The following GRAMD4 variants were observed in gnomAD, a reference collection of about 807,000 sequenced individuals.
GRAMD4 encodes the protein GRAM domain containing 4.
Under a neutral mutation model 83.9 loss-of-function variants are expected in GRAMD4, and 25 were observed. The observed-to-expected ratio is 0.30, with a 90% CI of 0.22 to 0.42. The LOEUF is 0.42. Ranked by LOEUF, GRAMD4 falls within the 10% of genes least tolerant of loss-of-function variation. The pLI is 1.00. For missense variants in GRAMD4, 593 were observed against 788.7 expected, an observed-to-expected ratio of 0.75 and a Z score of 2.97; for synonymous variants, 336 against 320.9, an observed-to-expected ratio of 1.05 and a Z score of -0.50.
upstream of GRAMD4, among the ~76,000 whole-genome samples, chr22:46,618,718 ACGC>A (rs2147128603): frequency 1.3e-5 from 2 of 152,102 alleles, no homozygotes; most frequent in African/African-American, 4.8e-5. The surrounding 1 kb of genome is among the most constrained non-coding windows in gnomAD (Gnocchi z 5.8). Flanking sequence ...GAGGGGAGGC[ACGC>A]GGCTGCCTGG....
intron 1 of GRAMD4, among the ~76,000 whole-genome samples, chr22:46,591,704 G>GCGC (rs1468026197): frequency 3.4e-4 from 51 of 151,880 alleles, no homozygotes; most frequent in African/African-American, 1.2e-3. Flanking sequence ...GTGGTGGTGG[G>GCGC]TGCCTGTAAT....
At chr22:46,619,634 C>T (rs144648975), upstream of GRAMD4, among the ~76,000 whole-genome samples, 109 of 152,302 alleles carry the variant, frequency 7.2e-4, no homozygotes, top group Middle Eastern at 3.4e-3. Context: ...CTTTGCTGGC[C>T]GCCCCCGGTC....
chr22:46,632,732 T>C (rs552063713), intron 2 of GRAMD4, among the ~76,000 whole-genome samples: 2 of 152,326 alleles, frequency 1.3e-5, no homozygotes, highest in South Asian at 4.1e-4. Context: ...GTGGCTCTCA[T>C]CTGGGCTGTG....
At chr22:46,619,238 G>A (rs1242055361), upstream of GRAMD4, among the ~76,000 whole-genome samples, 3 of 152,324 alleles carry the variant, frequency 2.0e-5, no homozygotes, top group Admixed American at 2.0e-4. Flanking sequence ...ACCCCAGAGG[G>A]CCCAGGGAGC....
In GRAMD4 at chr22:46,661,503, C is replaced by T. The variant is rs539654271; in HGVS notation, c.466+61C>T. On this transcript the variant is annotated intron_variant, in intron 5 of 18. Coordinates refer to ENST00000406902, the MANE Select transcript of GRAMD4 (RefSeq NM_015124.5). ...CGGGTGGGTGGCTGCGCGTCACCTGCTGGTTCTGTAGGCCCAGGTTAACAA... is the reference window on the plus strand; with the variant it reads ...CGGGTGGGTGGCTGCGCGTCACCTGTTGGTTCTGTAGGCCCAGGTTAACAA... 197 of 1,180,082 alleles carry T rather than the reference C, an allele frequency of 1.7e-4. No homozygotes were observed. In the African/African-American group the frequency reaches 2.6e-3, roughly 15 times the overall value. 73.1% of individuals were successfully genotyped at this position (1,180,082 alleles called of 1,614,324 possible).
At chr22:46,623,839 T>C (rs2147151402) in intron 1 of GRAMD4, among the ~76,000 whole-genome samples, 1 of 151,168 alleles carries the variant, frequency 6.6e-6, no homozygotes, top group East Asian at 2.0e-4. Context: ...TGGAGTGCAG[T>C]GGCGTGATCT....
rs1165438649 is a variant in GRAMD4, at chr22:46,672,995, A to C, written c.1237A>C (p.Arg413=). ...GCGCTCCAGCGCCGCAGTCTCACGC[A>C]GGGTGAGCCCGGCCCCCAGCTGCGG... ...KERSSAAVSR[R]LQTTSSRSYV... The change falls in exon 14 of 19, where the codon AGG becomes CGG. Residue 413 remains arginine, a splice_region_variant and synonymous_variant. Coordinates refer to ENST00000406902, the MANE Select transcript of GRAMD4 (RefSeq NM_015124.5). This position sits in a 1 kb window ranked among gnomAD's most constrained non-coding sequence, Gnocchi z 4.7. 1 of 1,593,230 alleles carries C rather than the reference A, an allele frequency of 6.3e-7. No individual in the cohort carries two copies. The highest frequency in any genetic ancestry group is 1.3e-5 in the African/African-American group (1 of 74,544).
At chr22:46,618,493 G>A (rs2081532477), upstream of GRAMD4, among the ~76,000 whole-genome samples, 1 of 152,048 alleles carries the variant, frequency 6.6e-6, no homozygotes, top group East Asian at 1.9e-4. The surrounding 1 kb of genome is among the most constrained non-coding windows in gnomAD (Gnocchi z 5.8). Flanking sequence ...GTTGCAAAGG[G>A]GGTCGGCAGA....
At chr22:46,591,478 C>T (rs1157500555) in intron 1 of GRAMD4, among the ~76,000 whole-genome samples, 1 of 152,118 alleles carries the variant, frequency 6.6e-6, no homozygotes, top group Non-Finnish European at 1.5e-5. Flanking sequence ...GACGACGTTA[C>T]TGAAGCTCCA....
intron 2 of GRAMD4, among the ~76,000 whole-genome samples, chr22:46,631,107 ATCT>A (rs2081769009): frequency 6.6e-6 from 1 of 152,248 alleles, no homozygotes; most frequent in Non-Finnish European, 1.5e-5. Context: ...GAAGTTGGTC[ATCT>A]TTGCACACAT....
In GRAMD4 at chr22:46,637,919, A is replaced by G. The variant is rs1431102896; in HGVS notation, c.242A>G (p.Lys81Arg). 6.2e-7 allele frequency: 1 copy of G among 1,614,106 alleles called. No homozygotes were observed. The highest frequency in any genetic ancestry group is 8.5e-7 in the Non-Finnish European group (1 of 1,179,924). Residue 81 changes from lysine to arginine, a missense_variant, in exon 3 of 19, where the codon AAA becomes AGA. By Grantham distance (26) the Lys-to-Arg change is conservative. This residue lies in a region of GRAMD4 where 312 missense variants were observed against 350.7 expected (regional missense o/e 0.89). Coordinates refer to ENST00000406902, the MANE Select transcript of GRAMD4 (RefSeq NM_015124.5). ...GAGTTTGATCGACTGAATGAGATCA[A>G]AGGTCACCTGGAAATTGCCTTATTG... ...RTEFDRLNEI[K>R]GHLEIALLEK...
At chr22:46,649,336 G>C (rs569778789) in intron 3 of GRAMD4, among the ~76,000 whole-genome samples, 8 of 152,288 alleles carry the variant, frequency 5.3e-5, no homozygotes, top group African/African-American at 1.7e-4. Context: ...GGAGGTTGTG[G>C]GGGCGAGGGA....
intron 1 of GRAMD4, among the ~76,000 whole-genome samples, chr22:46,607,948 C>G (rs1022704981): frequency 1.3e-5 from 2 of 152,210 alleles, no homozygotes; most frequent in African/African-American, 4.8e-5. Flanking sequence ...GCTGCCCCCC[C>G]AGGGGCCGTG....
At position 46,637,922 on chromosome 22, in the gene GRAMD4, G is replaced by C; in HGVS notation, c.245G>C (p.Gly82Ala). Residue 82 changes from glycine to alanine, a missense_variant, in exon 3 of 19, where the codon GGT (glycine) becomes GCT (alanine). Gly to Ala is a moderately conservative substitution (Grantham distance 60). This residue lies in a region of GRAMD4 where 312 missense variants were observed against 350.7 expected (regional missense o/e 0.89). Transcript: ENST00000406902. Reference sequence around the variant, plus strand: ...TTTGATCGACTGAATGAGATCAAAGGTCACCTGGAAATTGCCTTATTGGAA... The same window carrying C: ...TTTGATCGACTGAATGAGATCAAAGCTCACCTGGAAATTGCCTTATTGGAA... Reference protein sequence around the residue: ...TEFDRLNEIKGHLEIALLEKH... With the variant: ...TEFDRLNEIKAHLEIALLEKH... The C allele has an allele frequency of 6.2e-7, 1 of 1,614,038 alleles. No individual in the cohort carries two copies. The highest frequency in any genetic ancestry group is 8.5e-7 in the Non-Finnish European group (1 of 1,179,894).
At chr22:46,604,764 T>A (rs975029625) in intron 1 of GRAMD4, among the ~76,000 whole-genome samples, 5 of 152,124 alleles carry the variant, frequency 3.3e-5, no homozygotes, top group Admixed American at 3.3e-4. Flanking sequence ...TTCTGTGGGT[T>A]CACCCAGGTC....
rs892229780 is a variant in GRAMD4 at position 46,679,216 on chromosome 22, CT to C, written c.*1966del. ...GCCAATGAGCGCCTCTTCCTAGGTGCTGGGATTCAGTCCCCAAACACAGCGG... is the reference window on the plus strand; with the variant it reads ...GCCAATGAGCGCCTCTTCCTAGGTGCGGGATTCAGTCCCCAAACACAGCGG... On this transcript the variant is annotated 3_prime_UTR_variant, in exon 19 of 19. Coordinates refer to ENST00000406902, the MANE Select transcript of GRAMD4 (RefSeq NM_015124.5). The C allele has an allele frequency of 3.3e-5, 33 of 985,564 alleles. No individual in the cohort carries two copies. The highest frequency in any genetic ancestry group is 1.0e-3 in the Middle Eastern group (2 of 1,914). The allele number at this position is 985,564 out of a possible 1,614,324, so 61.1% of individuals were successfully genotyped here.
intron 7 of GRAMD4, 22 bp from the exon 8 acceptor site, chr22:46,664,004 C>CT (rs1300726387): frequency 9.4e-6 from 15 of 1,601,834 alleles, no homozygotes; most frequent in Non-Finnish European, 1.2e-5. Flanking sequence ...GTGCTGACCA[C>CT]TGTGGTCTGC....
intron 1 of GRAMD4, among the ~76,000 whole-genome samples, chr22:46,580,090 C>A (rs886609714): frequency 6.6e-6 from 1 of 152,216 alleles, no homozygotes; most frequent in African/African-American, 2.4e-5. Flanking sequence ...GCAGAAAGCC[C>A]GGGGCAGCAG....
At chr22:46,666,668 G>C (rs994039547) in intron 9 of GRAMD4, among the ~76,000 whole-genome samples, 157 bp from the exon 10 acceptor site, 12 of 152,170 alleles carry the variant, frequency 7.9e-5, no homozygotes, top group Non-Finnish European at 1.2e-4. Context: ...CTCACAGCAG[G>C]GGGTTCCGGA....
Sources: gnomAD v4.1 joint callset for allele counts (sites outside exome capture counted in the v4.1 genomes callset) on GRCh38, gnomAD v4.1.1 for gene constraint, gnomAD v4.1.1 regional missense constraint, Gnocchi (gnomAD v3.1) non-coding constraint, MANE v1.5 for transcripts, NCBI Gene and HGNC (gene_info 2026-07-23, HGNC 2026-07-21) for gene names.